MFAP3L: variants seen among roughly 807,000 people sequenced by gnomAD.
MFAP3L encodes microfibril associated protein 3 like.
A neutral mutation model predicts 20.0 loss-of-function variants in MFAP3L; 5 were observed. The observed-to-expected ratio is 0.25, with a 90% CI of 0.13 to 0.53. MFAP3L has a LOEUF of 0.53. Among genes scored for constraint, MFAP3L ranks in the 20% least tolerant of loss-of-function variants. The pLI, the probability that MFAP3L is intolerant of heterozygous loss-of-function variation, is 0.96. For synonymous variants in MFAP3L, 219 were observed against 213.0 expected, an observed-to-expected ratio of 1.03 and a Z score of -0.25; for missense variants, 409 against 527.5, an observed-to-expected ratio of 0.78 and a Z score of 2.20.
chr4:170,022,225 AC>A (rs570318406), intron 1 of MFAP3L, among the ~76,000 whole-genome samples: 255 of 152,282 alleles, frequency 1.7e-3, no homozygotes, highest in African/African-American at 5.9e-3. Context: ...GAATCCAGAG[AC>A]CTGAATTACA....
rs1251430138 is a variant in MFAP3L at position 169,990,631 on chromosome 4, G to A, written c.*747C>T. On this transcript the variant is annotated 3_prime_UTR_variant, in exon 3 of 3. Transcript: ENST00000361618. ...GGTAAACACATTTTTGACTATTAAAGTGCTATTCCGGGGCAAAGTTTTTCT... is the reference window on the plus strand; with the variant it reads ...GGTAAACACATTTTTGACTATTAAAATGCTATTCCGGGGCAAAGTTTTTCT... 6.6e-6 allele frequency: 1 copy of A among 152,558 alleles called. No homozygotes were observed. Among genetic ancestry groups the A allele is most frequent in the African/African-American group, 2.4e-5 (1 of 41,428 alleles). The allele number at this position is 152,558 out of a possible 1,614,324, so 9.5% of individuals were successfully genotyped here.
intron 1 of MFAP3L, among the ~76,000 whole-genome samples, chr4:170,010,715 T>C (rs542697574): frequency 6.6e-6 from 1 of 152,150 alleles, no homozygotes; most frequent in East Asian, 1.9e-4. Context: ...AATGAGCTGT[T>C]CATGTCATCA....
At chr4:170,026,591 C>T (rs1361604186), upstream of MFAP3L, among the ~76,000 whole-genome samples, 4 of 151,830 alleles carry the variant, frequency 2.6e-5, no homozygotes, top group East Asian at 7.8e-4. Flanking sequence ...GAGGAGCCAC[C>T]GGAGGCTGTA....
At chr4:169,997,021 A>T (rs1738226444) in intron 2 of MFAP3L, among the ~76,000 whole-genome samples, 1 of 152,158 alleles carries the variant, frequency 6.6e-6, no homozygotes, top group Non-Finnish European at 1.5e-5. Context: ...GAAACCTGAA[A>T]GTCCAGAACC....
chr4:170,026,415 C>T (rs1227612574), upstream of MFAP3L: 5 of 441,344 alleles, frequency 1.1e-5, no homozygotes, highest in East Asian at 1.6e-4. Flanking sequence ...GCGGAGCTTC[C>T]CACCTACAGG....
intron 1 of MFAP3L, among the ~76,000 whole-genome samples, chr4:170,023,883 C>G (rs184236656): frequency 2.6e-4 from 39 of 152,216 alleles, no homozygotes; most frequent in Admixed American, 2.2e-3. Flanking sequence ...AAATTGCAAG[C>G]CAAATAGGAA....
intron 2 of MFAP3L, among the ~76,000 whole-genome samples, chr4:169,996,071 A>C (rs772101051): frequency 7.7e-6 from 1 of 129,178 alleles, no homozygotes; most frequent in Non-Finnish European, 1.5e-5. Flanking sequence ...CCTGTTCTGG[A>C]AAGTGATGCA....
intron 2 of MFAP3L, among the ~76,000 whole-genome samples, chr4:170,001,012 T>G (rs1309577903): frequency 4.6e-5 from 7 of 152,210 alleles, no homozygotes; most frequent in African/African-American, 1.7e-4. Flanking sequence ...CATGAGCCAC[T>G]GCACATGGCC....
intron 1 of MFAP3L, among the ~76,000 whole-genome samples, chr4:170,009,864 T>C (rs1053647860): frequency 1.3e-5 from 2 of 152,248 alleles, no homozygotes; most frequent in African/African-American, 4.8e-5. Flanking sequence ...ACCTCTTGTG[T>C]AAGGGGTGTT....
intron 1 of MFAP3L, among the ~76,000 whole-genome samples, chr4:170,014,225 A>G (rs984810769): frequency 6.6e-6 from 1 of 152,194 alleles, no homozygotes; most frequent in Non-Finnish European, 1.5e-5. Context: ...TGGAGTATGC[A>G]TGTAGAGATT....
At chr4:170,008,106 G>A (rs1739159657) in intron 1 of MFAP3L, among the ~76,000 whole-genome samples, 1 of 152,076 alleles carries the variant, frequency 6.6e-6, no homozygotes, top group East Asian at 1.9e-4. Context: ...AGGTGCTTTG[G>A]GCTAGAAACA....
At chr4:170,002,164 T>TAGG (rs111876493) in intron 2 of MFAP3L, 250,313 of 984,874 alleles carry the variant, frequency 0.25, 40,263 homozygotes, top group African/African-American at 0.76. Context: ...CTTTTCCATC[T>TAGG]AGTTCTTCTC....
chr4:170,008,737 C>T (rs1289191107), intron 1 of MFAP3L, among the ~76,000 whole-genome samples: 1 of 152,172 alleles, frequency 6.6e-6, no homozygotes, highest in Non-Finnish European at 1.5e-5. Flanking sequence ...TAGTCCTTCT[C>T]ATCACCCCAT....
rs1737505960 is a variant in MFAP3L, at chr4:169,989,493, G to C, written c.*1885C>G. ...CATTTTTTGCTTGTCTCATGCAACG[G>C]GGGTTGGTTATCCTGGAAGACTGCA... On this transcript the variant is annotated 3_prime_UTR_variant, in exon 3 of 3. Coordinates refer to ENST00000361618, the MANE Select transcript of MFAP3L (RefSeq NM_021647.8). 1 of 152,198 alleles carries C rather than the reference G, an allele frequency of 6.6e-6. No homozygotes were observed. The highest frequency in any genetic ancestry group is 2.4e-5 in the African/African-American group (1 of 41,444). The allele number at this position is 152,198 out of a possible 1,614,324, so 9.4% of individuals were successfully genotyped here.
intron 2 of MFAP3L, chr4:170,002,082 A>C: frequency 1.0e-6 from 1 of 985,206 alleles, no homozygotes; most frequent in Non-Finnish European, 1.2e-6. Flanking sequence ...GTGCATGTGC[A>C]TGCCATGTAC....
chr4:170,002,745 T>A (rs1311608457), intron 2 of MFAP3L, among the ~76,000 whole-genome samples: 1 of 151,908 alleles, frequency 6.6e-6, no homozygotes, highest in African/African-American at 2.4e-5. Context: ...CCTGACCTCA[T>A]GATCCACCCA....
At chr4:170,015,274 C>T (rs1739627188) in intron 1 of MFAP3L, among the ~76,000 whole-genome samples, 1 of 152,186 alleles carries the variant, frequency 6.6e-6, no homozygotes, top group Non-Finnish European at 1.5e-5. Context: ...GAGCTTCAGA[C>T]CCATCTCTTA....
At chr4:170,015,856 G>A (rs190848325) in intron 1 of MFAP3L, among the ~76,000 whole-genome samples, 2 of 152,110 alleles carry the variant, frequency 1.3e-5, no homozygotes, top group South Asian at 2.1e-4. Flanking sequence ...GCCATGCCAC[G>A]GACCCAACCT....
At chr4:170,019,835 T>C (rs1358462236) in intron 1 of MFAP3L, among the ~76,000 whole-genome samples, 1 of 152,186 alleles carries the variant, frequency 6.6e-6, no homozygotes, top group Non-Finnish European at 1.5e-5. Flanking sequence ...GTTTTCCTCT[T>C]TCCTGTTGAC....
Sources: gnomAD v4.1 joint callset for allele counts (sites outside exome capture counted in the v4.1 genomes callset) on GRCh38, gnomAD v4.1.1 for gene constraint, MANE v1.5 for transcripts, NCBI Gene and HGNC (gene_info 2026-07-23, HGNC 2026-07-21) for gene names.